AKAP8: variants seen among roughly 807,000 people sequenced by gnomAD.
The protein encoded by AKAP8 is A-kinase anchor protein 8.
In AKAP8, 24 loss-of-function variants were observed where a neutral mutation model predicts 67.5. The observed-to-expected ratio is 0.36, with a 90% CI of 0.26 to 0.50. The LOEUF is 0.50. Among genes scored for constraint, AKAP8 ranks in the 20% least tolerant of loss-of-function variants. The pLI is 0.97. For synonymous variants in AKAP8, 400 were observed against 371.1 expected, an observed-to-expected ratio of 1.08 and a Z score of -0.90; for missense variants, 971 against 955.9, an observed-to-expected ratio of 1.02 and a Z score of -0.21.
intron 3 of AKAP8, among the ~76,000 whole-genome samples, chr19:15,374,273 G>A (rs1324978005): frequency 1.3e-5 from 2 of 152,210 alleles, no homozygotes; most frequent in South Asian, 4.1e-4. Context: ...GCCGAGCGGC[G>A]GGTTTTCCAT....
rs181292891 is a variant in AKAP8 at position 15,364,529 on chromosome 19, T to C, written c.1161-2278A>G. ...CCACTCCCAGTTAATTTTTGTATTGTGAGTAGAGACGTGGTTTCACCATGG... is the reference window on the plus strand; with the variant it reads ...CCACTCCCAGTTAATTTTTGTATTGCGAGTAGAGACGTGGTTTCACCATGG... On this transcript the variant is annotated intron_variant, in intron 9 of 13. Coordinates refer to ENST00000269701, the MANE Select transcript of AKAP8 (RefSeq NM_005858.4). 1.7e-3 allele frequency among the ~76,000 whole-genome samples: 258 copies of C among 152,158 alleles called. 2 individuals are homozygous for C. The highest frequency in any genetic ancestry group is 2.5e-3 in the Non-Finnish European group (168 of 68,000).
At chr19:15,365,442 G>A (rs1196366025) in intron 9 of AKAP8, among the ~76,000 whole-genome samples, 1 of 152,178 alleles carries the variant, frequency 6.6e-6, no homozygotes, top group African/African-American at 2.4e-5. Flanking sequence ...ACCACACTGG[G>A]GTGCTCCCTC....
intron 12 of AKAP8, among the ~76,000 whole-genome samples, 191 bp from the exon 13 acceptor site, chr19:15,359,253 A>T (rs1966925826): frequency 6.6e-6 from 1 of 152,216 alleles, no homozygotes; most frequent in African/African-American, 2.4e-5. Context: ...AAGCTAGGCA[A>T]TCTTAAGAGA....
Position 15,374,061 on chromosome 19 carries a change from A to G in AKAP8, c.96T>C (p.Tyr32=). The change falls in exon 4 of 14, where the codon TAT becomes TAC. Residue 32 remains tyrosine (Y), a synonymous_variant. Coordinates refer to ENST00000269701, the MANE Select transcript of AKAP8 (RefSeq NM_005858.4). ...YGTGVASWQG[Y]ENYNYYGAQN... is the part of the protein sequence containing the mutation. ...GGGCGCCATAGTAATTGTAGTTTTC[A>G]TAACCTGTCACAGGGGGAGGAGCCA... 6.4e-7 allele frequency: 1 copy of G among 1,552,966 alleles called. No homozygotes were observed. Among genetic ancestry groups the G allele is most frequent in the Non-Finnish European group, 8.7e-7 (1 of 1,152,372 alleles).
In AKAP8 at chr19:15,376,759, A is replaced by T. The variant is rs80213197; in HGVS notation, c.58+217T>A. Among the ~76,000 whole-genome samples, 3 of 152,330 alleles carry T rather than the reference A, an allele frequency of 2.0e-5. No homozygotes were observed. In the East Asian group the frequency reaches 5.8e-4, roughly 29 times the overall value. ...GTATTGTCTGTAAGTAACTACTGGCATTGTCCCATCCACTCTTTCACACAT... is the reference window on the plus strand; with the variant it reads ...GTATTGTCTGTAAGTAACTACTGGCTTTGTCCCATCCACTCTTTCACACAT... On this transcript the variant is annotated intron_variant, in intron 2 of 13. Coordinates refer to ENST00000269701, the MANE Select transcript of AKAP8 (RefSeq NM_005858.4).
At position 15,353,558 on chromosome 19, in the gene AKAP8, A is replaced by C. The variant is rs1314110975; in HGVS notation, c.*1357T>G. ...GCAGTTTATTTCCATTTTCAGTTCT[A>C]ATGTTGACTTTTTCATAAATATTCA... On this transcript the variant is annotated 3_prime_UTR_variant, in exon 14 of 14. Transcript: ENST00000269701. 8 of 151,982 alleles carry C rather than the reference A, an allele frequency of 5.3e-5. No homozygotes were observed. The East Asian group carries it at 1.5e-3, about 29-fold the overall frequency. 9.4% of individuals were successfully genotyped at this position (151,982 alleles called of 1,614,324 possible).
In AKAP8 at chr19:15,354,491, C is replaced by CA. The variant is rs200717871; in HGVS notation, c.*423dup. 9.0e-4 allele frequency: 158 copies of CA among 175,992 alleles called. 1 individual carries two copies. The South Asian group carries it at 0.014, about 15-fold the overall frequency. 10.9% of individuals were successfully genotyped at this position (175,992 alleles called of 1,614,324 possible). ...GTTAAAGGCTGAAGCTTGAAACATA[C>CA]AAAAAAAAATCCTCTATAGAGCAAG... On this transcript the variant is annotated 3_prime_UTR_variant, in exon 14 of 14. Transcript: ENST00000269701.
chr19:15,361,830 G>A lies in AKAP8; in HGVS notation c.1303-8C>T. The stretch of plus-strand genomic sequence containing the variant: ...TCTGTTTACAATGTATTCCTAGGTG[G>A]GATTGGAGAGGGCATAAAGTAAAAT... On this transcript the variant is annotated splice_polypyrimidine_tract_variant and splice_region_variant and intron_variant, in intron 10 of 13. Coordinates refer to ENST00000269701, the MANE Select transcript of AKAP8 (RefSeq NM_005858.4). The A allele has an allele frequency of 6.2e-7, 1 of 1,608,592 alleles. No individual in the cohort carries two copies. Among genetic ancestry groups the A allele is most frequent in the South Asian group, 1.1e-5 (1 of 90,952 alleles).
rs879061518 is a variant in AKAP8, at chr19:15,379,745, C to T, written c.-14G>A. 1 of 1,611,138 alleles carries T rather than the reference C, an allele frequency of 6.2e-7. No homozygotes were observed. The highest frequency in any genetic ancestry group is 1.1e-5 in the South Asian group (1 of 90,552). ...GCCCTGGTCCATGTCTTCGACGCGG[C>T]CCACCAGCAGCCCCGTTTACTAGGC... On this transcript the variant is annotated 5_prime_UTR_variant, in exon 1 of 14. Transcript: ENST00000269701.
chr19:15,366,521 A>G (rs1967073093), intron 9 of AKAP8, among the ~76,000 whole-genome samples: 1 of 150,522 alleles, frequency 6.6e-6, no homozygotes. Flanking sequence ...CACATGGAAC[A>G]GTGATTTTCT....
At chr19:15,370,885 C>T (rs1233895999) in intron 7 of AKAP8, among the ~76,000 whole-genome samples, 1 of 152,142 alleles carries the variant, frequency 6.6e-6, no homozygotes, top group African/African-American at 2.4e-5. Context: ...CCGCCTTGGC[C>T]TCCCAAAGTG....
chr19:15,369,282 C>T lies in AKAP8; in HGVS notation c.1072+864G>A, dbSNP rs1274801943. The T allele has an allele frequency of 2.8e-5, 28 of 985,024 alleles. No individual in the cohort carries two copies. The highest frequency in any genetic ancestry group is 3.0e-5 in the Non-Finnish European group (25 of 829,678). 61.0% of individuals were successfully genotyped at this position (985,024 alleles called of 1,614,324 possible). A position where few individuals can be genotyped will look rare whatever the true frequency, so the allele number is the denominator to read the frequency against. ...GCATTGTGCCGCTAAGCGCTCGGGGCGCCCCGTGCTATGGACAGGACTGCT... is the reference window on the plus strand; with the variant it reads ...GCATTGTGCCGCTAAGCGCTCGGGGTGCCCCGTGCTATGGACAGGACTGCT... On this transcript the variant is annotated intron_variant, in intron 8 of 13. Transcript: ENST00000269701. This position sits in a 1 kb window ranked among gnomAD's most constrained non-coding sequence, Gnocchi z 4.6.
intron 1 of AKAP8, 45 bp downstream of exon 1, chr19:15,379,668 A>G: frequency 6.3e-7 from 1 of 1,593,788 alleles, no homozygotes; most frequent in Non-Finnish European, 8.5e-7. Flanking sequence ...CGTCGCCCGC[A>G]CAGAGCCTTC....
In AKAP8 at chr19:15,369,231, G is replaced by GC; in HGVS notation, c.1073-910dup. On this transcript the variant is annotated intron_variant, in intron 8 of 13. Coordinates refer to ENST00000269701, the MANE Select transcript of AKAP8 (RefSeq NM_005858.4). The surrounding 1 kb of genome is among the most constrained non-coding windows in gnomAD (Gnocchi z 4.6). ...CCCGGGTAGGTAGCAGGACCTGCGC[G>GC]CAACAGACATGTCACCTTTGCTTTA... 1 of 985,510 alleles carries GC rather than the reference G, an allele frequency of 1.0e-6. No homozygotes were observed. The highest frequency in any genetic ancestry group is 4.7e-5 in the South Asian group (1 of 21,288). The allele number at this position is 985,510 out of a possible 1,614,324, so 61.0% of individuals were successfully genotyped here. A position where few individuals can be genotyped will look rare whatever the true frequency, so the allele number is the denominator to read the frequency against.
intron 12 of AKAP8, among the ~76,000 whole-genome samples, chr19:15,359,310 TGGG>T (rs967661444): frequency 6.6e-6 from 1 of 152,180 alleles, no homozygotes; most frequent in African/African-American, 2.4e-5. Flanking sequence ...CATGCAGAAT[TGGG>T]GGTGAAACAA....
At chr19:15,373,677 C>A in intron 4 of AKAP8, 109 bp downstream of exon 4, 2 of 1,349,074 alleles carry the variant, frequency 1.5e-6, no homozygotes, top group Non-Finnish European at 2.0e-6. Flanking sequence ...AATGCCACAC[C>A]CAAGAGGGAG....
chr19:15,368,711 A>C, intron 8 of AKAP8: 6 of 985,338 alleles, frequency 6.1e-6, no homozygotes, highest in Non-Finnish European at 7.2e-6. Flanking sequence ...AAGAGGCGGC[A>C]GCTGAAGGCC....
chr19:15,376,609 A>G (rs1253199766), intron 2 of AKAP8, among the ~76,000 whole-genome samples: 2 of 152,112 alleles, frequency 1.3e-5, no homozygotes, highest in African/African-American at 4.8e-5. Flanking sequence ...AAGCTGTACT[A>G]AAAAGTCTGG....
chr19:15,371,673 G>C (rs1024240381), intron 7 of AKAP8, among the ~76,000 whole-genome samples: 3 of 151,908 alleles, frequency 2.0e-5, no homozygotes, highest in Non-Finnish European at 4.4e-5. Flanking sequence ...ATTTTTAATC[G>C]AGACGGGGTT....
Sources: allele counts gnomAD v4.1 joint callset (sites outside exome capture counted in the v4.1 genomes callset), GRCh38; gene constraint gnomAD v4.1.1; non-coding constraint Gnocchi (gnomAD v3.1); transcripts MANE v1.5; gene names NCBI Gene and HGNC (gene_info 2026-07-23, HGNC 2026-07-21).